The following CYB5R3 variants were observed in gnomAD, a reference collection of about 807,000 sequenced individuals.
CYB5R3 encodes the protein cytochrome b5 reductase 3.
Under a neutral mutation model 36.5 loss-of-function variants are expected in CYB5R3, and 28 were observed. The observed-to-expected ratio is 0.77, with a 90% CI of 0.57 to 1.05. The LOEUF is 1.05. Among genes scored for constraint, CYB5R3 ranks in the 50% least tolerant of loss-of-function variants. The pLI is 0.00. For synonymous variants in CYB5R3, 181 were observed against 159.8 expected (o/e 1.13, Z -1.00); for missense variants, 474 against 408.9 (o/e 1.16, Z -1.37).
intron 4 of CYB5R3, among the ~76,000 whole-genome samples, chr22:42,628,800 G>GGA (rs1327353685): frequency 1.3e-5 from 2 of 152,192 alleles, no homozygotes. Context: ...AAAGAAATGG[G>GGA]GAGACAGAGG....
chr22:42,627,640 G>A lies in CYB5R3; in HGVS notation c.512C>T (p.Thr171Ile). The change falls in exon 6 of 9, where the codon ACA (threonine) becomes ATA (isoleucine). Residue 171 changes from threonine (T) to isoleucine (I), a missense_variant. Transcript: ENST00000352397. Reference sequence around the variant, plus strand: ...CGCGATCATGCCCACAGACTTCACTGTCCTGATGATAGGGTTGGACTTTTT... The same window carrying A: ...CGCGATCATGCCCACAGACTTCACTATCCTGATGATAGGGTTGGACTTTTT... ...PDKKSNPIIR[T>I]VKSVGMIAGG... 6.2e-7 allele frequency: 1 copy of A among 1,614,168 alleles called. No individual in the cohort carries two copies. Among genetic ancestry groups the A allele is most frequent in the Non-Finnish European group, 8.5e-7 (1 of 1,180,002 alleles).
intron 1 of CYB5R3, among the ~76,000 whole-genome samples, chr22:42,645,852 C>A (rs989135590): frequency 1.3e-5 from 2 of 151,078 alleles, no homozygotes; most frequent in Non-Finnish European, 2.9e-5. Flanking sequence ...GTCGTTTAGT[C>A]CACAAACCCC....
chr22:42,641,661 T>A (rs900047556), intron 1 of CYB5R3, among the ~76,000 whole-genome samples: 2 of 152,114 alleles, frequency 1.3e-5, no homozygotes, highest in South Asian at 2.1e-4. Context: ...AATTTTTGTA[T>A]CATTAGTAGA....
intron 1 of CYB5R3, chr22:42,644,613 T>G: frequency 6.7e-7 from 1 of 1,482,590 alleles, no homozygotes; most frequent in East Asian, 2.5e-5. Flanking sequence ...TTCTGGAAAC[T>G]CCCTGGGGCA....
intron 4 of CYB5R3, 139 bp from the exon 5 acceptor site, chr22:42,628,420 C>T: frequency 9.0e-7 from 1 of 1,110,146 alleles, no homozygotes; most frequent in South Asian, 1.3e-5. Context: ...GCCCCATCCA[C>T]CCAGCCGTCA....
chr22:42,646,756 C>G (rs1929558660), intron 1 of CYB5R3: 1 of 986,156 alleles, frequency 1.0e-6, no homozygotes, highest in Non-Finnish European at 1.2e-6. Flanking sequence ...CAGTGGGGGG[C>G]TCTGGCTTGG....
intron 5 of CYB5R3, 34 bp downstream of exon 5, chr22:42,628,118 T>C (rs1928392379): frequency 6.2e-7 from 1 of 1,613,022 alleles, no homozygotes; most frequent in African/African-American, 1.3e-5. Context: ...TCTCTGAGCC[T>C]GCCGTGTAAC....
At chr22:42,637,379 T>C (rs1245603452) in intron 1 of CYB5R3, among the ~76,000 whole-genome samples, 1 of 152,058 alleles carries the variant, frequency 6.6e-6, no homozygotes, top group East Asian at 1.9e-4. Context: ...TCCAGTCCCT[T>C]GGGGCCACTG....
chr22:42,620,483 T>C (rs1569315147), intron 8 of CYB5R3, among the ~76,000 whole-genome samples: 2 of 151,840 alleles, frequency 1.3e-5, no homozygotes, highest in Middle Eastern at 3.4e-3. Flanking sequence ...AGGAACTGAG[T>C]CTCATCCACA....
At chr22:42,625,698 G>A (rs1016644768) in intron 7 of CYB5R3, among the ~76,000 whole-genome samples, 2 of 152,146 alleles carry the variant, frequency 1.3e-5, no homozygotes, top group African/African-American at 4.8e-5. Flanking sequence ...CTGAGGTCAC[G>A]GAGGAAGGTA....
In CYB5R3 at chr22:42,627,260, C is replaced by G. The variant is rs756788213; in HGVS notation, c.633+44G>C. The G allele has an allele frequency of 4.5e-6, 7 of 1,559,268 alleles. No individual in the cohort carries two copies. In the South Asian group the frequency reaches 7.9e-5, roughly 17 times the overall value. ...CACCTGACCAGGCCCGAAGTCCCCTCTCAGGGTAAGCTGAGTTTCCCCATC... is the reference window on the plus strand; with the variant it reads ...CACCTGACCAGGCCCGAAGTCCCCTGTCAGGGTAAGCTGAGTTTCCCCATC... On this transcript the variant is annotated intron_variant, in intron 7 of 8. Transcript: ENST00000352397.
intron 3 of CYB5R3, 88 bp downstream of exon 3, chr22:42,631,290 T>C: frequency 7.5e-7 from 1 of 1,342,126 alleles, no homozygotes; most frequent in Non-Finnish European, 1.0e-6. Context: ...CTGCTCTCCC[T>C]GGTGGAAATG....
rs200373318 is a variant in CYB5R3, at chr22:42,638,419, A to AT, written c.22-1574_22-1573insA. 7.4e-4 allele frequency among the ~76,000 whole-genome samples: 103 copies of AT among 138,364 alleles called. 2 individuals carry two copies. Among genetic ancestry groups the AT allele is most frequent in the East Asian group, 2.3e-3 (10 of 4,350 alleles). 90.8% of individuals were successfully genotyped at this position (138,364 alleles called of 152,430 possible). On this transcript the variant is annotated intron_variant, in intron 1 of 8. Coordinates refer to ENST00000352397, the MANE Select transcript of CYB5R3 (RefSeq NM_000398.7). ...CTCAAAAAAAAAAAAAAAAAAAAAA[A>AT]GTTAGCTGGTTGCAGTGTCACACGC...
At chr22:42,624,959 G>T (rs549109470) in intron 7 of CYB5R3, among the ~76,000 whole-genome samples, 1 of 152,246 alleles carries the variant, frequency 6.6e-6, no homozygotes, top group South Asian at 2.1e-4. Context: ...TGTGTGAGGG[G>T]CATAAGCCTC....
rs899588309 is a variant in CYB5R3, at chr22:42,627,599, G to A, written c.547+6C>T. Reference sequence around the variant, plus strand: ...GCCGGACGCCTCAGTGGGGGGTTCCGTGTACCTGTCCCTCCCGCGATCATG... The same window carrying A: ...GCCGGACGCCTCAGTGGGGGGTTCCATGTACCTGTCCCTCCCGCGATCATG... On this transcript the variant is annotated splice_donor_region_variant and intron_variant, in intron 6 of 8. Transcript: ENST00000352397. 3.0e-5 allele frequency: 48 copies of A among 1,612,982 alleles called. No individual in the cohort carries two copies. Among genetic ancestry groups the A allele is most frequent in the Non-Finnish European group, 3.7e-5 (44 of 1,179,094 alleles).
chr22:42,619,858 C>G lies in CYB5R3; in HGVS notation c.821G>C (p.Cys274Ser). ...GTACTGGATCATGGGTGGGGGGCCA[C>G]ACATCAGCACCAGCGGCTCCTCCTC... ...PPEEEPLVLM[C>S]GPPPMIQYAC... Residue 274 changes from cysteine (C) to serine (S), a missense_variant, in exon 9 of 9, where the codon TGT (cysteine) becomes TCT (serine). Cys to Ser is a moderately radical substitution (Grantham distance 112). Transcript: ENST00000352397. The G allele has an allele frequency of 6.2e-7, 1 of 1,606,856 alleles. No homozygotes were observed. The highest frequency in any genetic ancestry group is 8.5e-7 in the Non-Finnish European group (1 of 1,177,428).
Position 42,627,372 on chromosome 22 carries a change from G to C in CYB5R3, c.565C>G (p.Gln189Glu). The C allele has an allele frequency of 1.2e-6, 2 of 1,613,794 alleles. No individual in the cohort carries two copies. Among genetic ancestry groups the C allele is most frequent in the Non-Finnish European group, 1.7e-6 (2 of 1,179,922 alleles). ...TCCTTCATGATGGCGCGGATCACCT[G>C]CAGCATCGGGGTGATGCCTGCAAAA... ...AGGTGITPML[Q>E]VIRAIMKDPD... The change falls in exon 7 of 9, where the codon CAG becomes GAG. Residue 189 changes from glutamine to glutamate, a missense_variant. Gln to Glu is a conservative substitution (Grantham distance 29). Transcript: ENST00000352397.
intron 2 of CYB5R3, among the ~76,000 whole-genome samples, chr22:42,635,775 A>C (rs1928857850): frequency 6.6e-6 from 1 of 152,160 alleles, no homozygotes; most frequent in Non-Finnish European, 1.5e-5. Context: ...TTTCCCTGCC[A>C]CACCCCTCCT....
At chr22:42,637,110 G>C (rs141993525) in intron 1 of CYB5R3, among the ~76,000 whole-genome samples, 218 of 152,270 alleles carry the variant, frequency 1.4e-3, no homozygotes, top group African/African-American at 5.0e-3. Flanking sequence ...TTCCTCTGAA[G>C]AGCCAGGACC....
Sources: gnomAD v4.1 joint callset for allele counts (sites outside exome capture counted in the v4.1 genomes callset) on GRCh38, gnomAD v4.1.1 for gene constraint, MANE v1.5 for transcripts, NCBI Gene and HGNC (gene_info 2026-07-23, HGNC 2026-07-21) for gene names.